Variants in CCDC30 observed in about 807,000 individuals in gnomAD.
The protein encoded by CCDC30 is coiled-coil domain containing 30.
A neutral mutation model predicts 100.2 loss-of-function variants in CCDC30; 70 were observed. The observed-to-expected ratio is 0.70, with a 90% CI of 0.58 to 0.85. The LOEUF (loss-of-function observed/expected upper bound fraction) is 0.85. Among genes scored for constraint, CCDC30 ranks in the 40% least tolerant of loss-of-function variants. The probability of loss-of-function intolerance (pLI) is 0.00; values close to 1 mark genes in which losing one functional copy is unlikely to be tolerated. For synonymous variants in CCDC30, 233 were observed against 269.5 expected (o/e 0.86, Z 1.33); for missense variants, 652 against 771.2 (o/e 0.85, Z 1.83).
At chr1:42,557,502 A>G (rs1178851068) in intron 6 of CCDC30, among the ~76,000 whole-genome samples, 6 of 152,060 alleles carry the variant, frequency 3.9e-5, no homozygotes, top group African/African-American at 1.2e-4. Flanking sequence ...TTTCTTAGCC[A>G]GTAGTCTTCA....
At chr1:42,570,792 T>C (rs1203933246) in intron 7 of CCDC30, among the ~76,000 whole-genome samples, 1 of 152,220 alleles carries the variant, frequency 6.6e-6, no homozygotes, top group Non-Finnish European at 1.5e-5. Context: ...GTATAGCCAT[T>C]ATTTATTCAT....
intron 12 of CCDC30, among the ~76,000 whole-genome samples, chr1:42,639,317 G>C (rs141114517): frequency 3.3e-5 from 5 of 152,254 alleles, no homozygotes. Flanking sequence ...TACAAGCCAA[G>C]AAATAGCAAG....
intron 10 of CCDC30, chr1:42,591,667 A>G (rs1270474383): frequency 6.6e-6 from 1 of 152,344 alleles, no homozygotes; most frequent in Non-Finnish European, 1.5e-5. Context: ...GAAGCCTCAC[A>G]CAGAGTCCCC....
chr1:42,570,144 A>C (rs1046227670), intron 7 of CCDC30, among the ~76,000 whole-genome samples: 4 of 152,132 alleles, frequency 2.6e-5, no homozygotes, highest in African/African-American at 9.7e-5. Flanking sequence ...AAAATAAATT[A>C]ATTATTTAAA....
At chr1:42,541,372 G>A (rs918876671) in intron 6 of CCDC30, among the ~76,000 whole-genome samples, 4 of 152,218 alleles carry the variant, frequency 2.6e-5, no homozygotes, top group African/African-American at 9.6e-5. Context: ...TGAGGGTAAG[G>A]CTTTCAACAT....
chr1:42,597,281 A>G (rs1646308165), intron 10 of CCDC30, among the ~76,000 whole-genome samples: 1 of 152,228 alleles, frequency 6.6e-6, no homozygotes, highest in Admixed American at 6.5e-5. Flanking sequence ...ATTTCCTGAG[A>G]TTAATGACAG....
chr1:42,508,995 A>T (rs1376997865), intron 6 of CCDC30, among the ~76,000 whole-genome samples: 1 of 152,186 alleles, frequency 6.6e-6, no homozygotes, highest in African/African-American at 2.4e-5. Context: ...TAAGTTTTTC[A>T]GCTTTTGAAC....
intron 6 of CCDC30, among the ~76,000 whole-genome samples, chr1:42,527,502 G>T (rs1263133238): frequency 6.6e-6 from 1 of 152,126 alleles, no homozygotes; most frequent in Non-Finnish European, 1.5e-5. Flanking sequence ...GGCATATTTT[G>T]TACTCAGTAA....
intron 6 of CCDC30, among the ~76,000 whole-genome samples, chr1:42,509,315 A>G (rs1232214201): frequency 2.6e-5 from 4 of 152,212 alleles, no homozygotes; most frequent in Admixed American, 2.6e-4. Flanking sequence ...GAAACTAGTC[A>G]CAAGATTAGA....
chr1:42,644,890 C>G, intron 14 of CCDC30, 83 bp downstream of exon 18: 1 of 846,516 alleles, frequency 1.2e-6, no homozygotes, highest in Non-Finnish European at 2.0e-6. Context: ...TTGCCTTCAT[C>G]TTTATATAGC....
At chr1:42,494,154 C>G (rs1644191598) in intron 4 of CCDC30, among the ~76,000 whole-genome samples, 1 of 152,164 alleles carries the variant, frequency 6.6e-6, no homozygotes, top group Non-Finnish European at 1.5e-5. Flanking sequence ...GGTACCAAAA[C>G]AGATATAGAT....
chr1:42,569,571 A>G (rs1052355298), intron 7 of CCDC30, among the ~76,000 whole-genome samples: 2 of 152,208 alleles, frequency 1.3e-5, no homozygotes, highest in Non-Finnish European at 2.9e-5. Context: ...CAGTGTGGCT[A>G]TTCCTGAGGA....
chr1:42,539,823 A>G (rs1644977683), intron 6 of CCDC30, among the ~76,000 whole-genome samples: 1 of 152,098 alleles, frequency 6.6e-6, no homozygotes, highest in African/African-American at 2.4e-5. Flanking sequence ...TAAGTTTAAA[A>G]ATGTGCCCAG....
intron 11 of CCDC30, among the ~76,000 whole-genome samples, chr1:42,625,864 T>C (rs1417919186): frequency 2.6e-5 from 4 of 152,178 alleles, no homozygotes; most frequent in African/African-American, 9.6e-5. Context: ...ATCTATTAGG[T>C]CCATTTGGTC....
intron 6 of CCDC30, among the ~76,000 whole-genome samples, chr1:42,554,162 CTATT>C (rs1381950462): frequency 6.6e-6 from 1 of 151,720 alleles, no homozygotes; most frequent in Non-Finnish European, 1.5e-5. Flanking sequence ...TTCCATATCT[CTATT>C]TAGTATGAGC....
intron 6 of CCDC30, among the ~76,000 whole-genome samples, chr1:42,557,975 G>A (rs1645407787): frequency 6.6e-6 from 1 of 151,938 alleles, no homozygotes; most frequent in Admixed American, 6.6e-5. Context: ...GCTCTTTTTT[G>A]TGGTTCCTAG....
chr1:42,585,347 G>A (rs928079856), intron 9 of CCDC30, among the ~76,000 whole-genome samples: 2 of 152,050 alleles, frequency 1.3e-5, no homozygotes, highest in African/African-American at 4.8e-5. Context: ...TGATACTCCT[G>A]CCTCAGCCTC....
chr1:42,549,663 C>G (rs1321894722), intron 6 of CCDC30, among the ~76,000 whole-genome samples: 4 of 152,128 alleles, frequency 2.6e-5, no homozygotes, highest in African/African-American at 9.7e-5. Flanking sequence ...TAGAACAATG[C>G]CAGACACATA....
downstream of CCDC30, among the ~76,000 whole-genome samples, chr1:42,656,797 T>C (rs562802714): frequency 4.3e-4 from 65 of 152,336 alleles, no homozygotes; most frequent in Non-Finnish European, 7.8e-4. Flanking sequence ...CCAAATGAAA[T>C]GAAGCATGTA....
Sources: gnomAD v4.1 joint callset for allele counts (sites outside exome capture counted in the v4.1 genomes callset) on GRCh38, gnomAD v4.1.1 for gene constraint, MANE v1.5 for transcripts, NCBI Gene and HGNC (gene_info 2026-07-23, HGNC 2026-07-21) for gene names.